GPR158: variants seen among roughly 807,000 people sequenced by gnomAD.
The protein encoded by GPR158 is G protein-coupled receptor 158, also known as metabotropic glycine receptor.
A neutral mutation model predicts 78.2 loss-of-function variants in GPR158; 30 were observed. The ratio of observed to expected loss-of-function variants is 0.38; its 90% CI spans 0.29 to 0.52. The LOEUF is 0.52. Among genes scored for constraint, GPR158 ranks in the 20% least tolerant of loss-of-function variants. GPR158 has a pLI of 0.83. For synonymous variants in GPR158, 581 were observed against 591.1 expected, an observed-to-expected ratio of 0.98 and a Z score of 0.25; for missense variants, 1,463 against 1,523.5, an observed-to-expected ratio of 0.96 and a Z score of 0.66.
intron 2 of GPR158, among the ~76,000 whole-genome samples, chr10:25,295,922 C>G (rs894632810): frequency 6.6e-6 from 1 of 152,026 alleles, no homozygotes; most frequent in East Asian, 1.9e-4. Context: ...CTGAATCCCC[C>G]GTTAAGAAGT....
chr10:25,446,555 T>C (rs985921108), intron 4 of GPR158, among the ~76,000 whole-genome samples: 1 of 152,352 alleles, frequency 6.6e-6, no homozygotes, highest in Admixed American at 6.5e-5. Context: ...GCTTTCCATG[T>C]GTATTCATTT....
rs1400411471 is a variant in GPR158, at chr10:25,389,755, G to A, written c.1009-6156G>A. Among the ~76,000 whole-genome samples, 3 of 152,110 alleles carry A rather than the reference G, an allele frequency of 2.0e-5. 1 individual carries two copies. Among genetic ancestry groups the A allele is most frequent in the South Asian group, 4.2e-4 (2 of 4,814 alleles). On this transcript the variant is annotated intron_variant, in intron 2 of 10. Coordinates refer to ENST00000376351, the MANE Select transcript of GPR158 (RefSeq NM_020752.3). ...GGGATCCCAGACCTGGAAGCTCCCTGAGCCAAGGCTGTGACATCCTTTTTA... is the reference window on the plus strand; with the variant it reads ...GGGATCCCAGACCTGGAAGCTCCCTAAGCCAAGGCTGTGACATCCTTTTTA...
intron 2 of GPR158, among the ~76,000 whole-genome samples, chr10:25,388,846 G>A (rs944606212): frequency 6.6e-6 from 1 of 152,216 alleles, no homozygotes; most frequent in Non-Finnish European, 1.5e-5. Flanking sequence ...TGCTCCCATT[G>A]CCTGGCCTCT....
chr10:25,241,418 T>A (rs1480316301), intron 2 of GPR158, among the ~76,000 whole-genome samples: 3 of 143,610 alleles, frequency 2.1e-5, no homozygotes, highest in East Asian at 2.0e-4. Flanking sequence ...TCTCTTTTCT[T>A]TTCTTTTCTT....
chr10:25,313,263 G>C (rs1458094812), intron 2 of GPR158, among the ~76,000 whole-genome samples: 1 of 108,996 alleles, frequency 9.2e-6, no homozygotes, highest in Non-Finnish European at 1.8e-5. Flanking sequence ...TGGGGGGAGG[G>C]GGGAGGGATA....
intron 1 of GPR158, among the ~76,000 whole-genome samples, chr10:25,188,531 T>G (rs1056458021): frequency 3.3e-5 from 5 of 152,082 alleles, no homozygotes; most frequent in Non-Finnish European, 5.9e-5. Flanking sequence ...AACAAATGGG[T>G]AAAGGATTCC....
intron 2 of GPR158, among the ~76,000 whole-genome samples, chr10:25,355,141 T>C (rs1055342183): frequency 7.9e-5 from 12 of 152,176 alleles, no homozygotes; most frequent in Admixed American, 7.9e-4. Flanking sequence ...AAATAAGCTT[T>C]CTACTTCTAG....
chr10:25,576,306 T>G (rs1452745252), intron 7 of GPR158, among the ~76,000 whole-genome samples: 1 of 152,178 alleles, frequency 6.6e-6, no homozygotes, highest in African/African-American at 2.4e-5. Flanking sequence ...GGATTCGGTT[T>G]TTCATTCCTG....
chr10:25,449,035 G>A (rs553916740), intron 4 of GPR158, among the ~76,000 whole-genome samples: 4 of 152,236 alleles, frequency 2.6e-5, no homozygotes, highest in African/African-American at 7.2e-5. Flanking sequence ...GTCATTAAAT[G>A]CATCCAAAAA....
chr10:25,336,049 GTTA>G (rs761481574), intron 2 of GPR158, among the ~76,000 whole-genome samples: 1 of 152,004 alleles, frequency 6.6e-6, no homozygotes, highest in Non-Finnish European at 1.5e-5. Flanking sequence ...AGCTGTCATT[GTTA>G]TTATCAAATG....
intron 1 of GPR158, among the ~76,000 whole-genome samples, chr10:25,209,341 C>G (rs374773703): frequency 2.0e-5 from 3 of 152,136 alleles, no homozygotes; most frequent in African/African-American, 7.2e-5. Context: ...TCTTGAATAC[C>G]CTCATCATGG....
chr10:25,253,938 T>C (rs1383318647), intron 2 of GPR158, among the ~76,000 whole-genome samples: 2 of 152,242 alleles, frequency 1.3e-5, no homozygotes, highest in Non-Finnish European at 2.9e-5. Flanking sequence ...GAAAAGGTTC[T>C]ATTCTTGGTA....
intron 5 of GPR158, among the ~76,000 whole-genome samples, chr10:25,538,718 A>G (rs1836534713): frequency 6.6e-6 from 1 of 152,140 alleles, no homozygotes; most frequent in South Asian, 2.1e-4. Context: ...TGTATATTTT[A>G]TATACATTTT....
At chr10:25,209,459 T>G (rs570613444) in intron 1 of GPR158, among the ~76,000 whole-genome samples, 2 of 151,652 alleles carry the variant, frequency 1.3e-5, no homozygotes, top group East Asian at 3.9e-4. Flanking sequence ...TACTTCTGTT[T>G]TTTTTTTTCT....
chr10:25,292,202 G>A (rs74126514), intron 2 of GPR158, among the ~76,000 whole-genome samples: 2,117 of 152,022 alleles, frequency 0.014, 23 homozygotes, highest in African/African-American at 0.02. Context: ...GGGGGTAGAA[G>A]TAGAAAAAAG....
chr10:25,313,580 T>A (rs1046483680), intron 2 of GPR158, among the ~76,000 whole-genome samples: 3 of 152,146 alleles, frequency 2.0e-5, no homozygotes, highest in Admixed American at 6.6e-5. Flanking sequence ...AGATTTTTGA[T>A]CGTTTATGGC....
intron 5 of GPR158, among the ~76,000 whole-genome samples, chr10:25,505,163 A>C (rs995000234): frequency 1.3e-5 from 2 of 152,176 alleles, no homozygotes; most frequent in Non-Finnish European, 2.9e-5. Context: ...TTTGATAATG[A>C]TGTTGACAAT....
chr10:25,573,522 C>T (rs975697237), intron 7 of GPR158, among the ~76,000 whole-genome samples: 4 of 152,160 alleles, frequency 2.6e-5, no homozygotes, highest in Non-Finnish European at 4.4e-5. Context: ...GCCCAAAACA[C>T]GGATTATTTT....
At chr10:25,373,185 A>C (rs551715255) in intron 2 of GPR158, among the ~76,000 whole-genome samples, 1 of 151,988 alleles carries the variant, frequency 6.6e-6, no homozygotes, top group East Asian at 1.9e-4. Context: ...CCCTAGCAAA[A>C]TAACACAGGA....
Sources: allele counts gnomAD v4.1 joint callset (sites outside exome capture counted in the v4.1 genomes callset), GRCh38; gene constraint gnomAD v4.1.1; transcripts MANE v1.5; gene names NCBI Gene and HGNC (gene_info 2026-07-23, HGNC 2026-07-21).